CERT1: variants seen among roughly 807,000 people sequenced by gnomAD.
CERT1 encodes ceramide transfer protein.
CERT1 carries 31 observed loss-of-function variants against 87.9 expected under a neutral mutation model. The ratio of observed to expected loss-of-function variants is 0.35; its 90% CI spans 0.27 to 0.48. The LOEUF is 0.48. CERT1 is among the 20% of genes least tolerant of loss of function. The pLI is 0.99. For synonymous variants in CERT1, 289 were observed against 250.9 expected (o/e 1.15, Z -1.44); for missense variants, 487 against 758.0 (o/e 0.64, Z 4.20).
chr5:75,455,425 T>TA (rs369509592), intron 3 of CERT1, among the ~76,000 whole-genome samples: 14 of 152,214 alleles, frequency 9.2e-5, no homozygotes, highest in African/African-American at 3.1e-4. Flanking sequence ...TTCTTATTGG[T>TA]AAAAATGTGT....
chr5:75,388,049 G>A (rs1401962024), intron 12 of CERT1, among the ~76,000 whole-genome samples: 1 of 152,178 alleles, frequency 6.6e-6, no homozygotes, highest in Non-Finnish European at 1.5e-5. Flanking sequence ...AGGCAGGTCT[G>A]GCTCAACCCT....
intron 2 of CERT1, among the ~76,000 whole-genome samples, chr5:75,493,288 T>G (rs1299373833): frequency 6.6e-6 from 1 of 152,220 alleles, no homozygotes; most frequent in East Asian, 1.9e-4. Context: ...CCAAAGGCAT[T>G]ATTCTGAAGC....
At chr5:75,403,101 A>C (rs2112093533) in intron 8 of CERT1, 43 bp from the exon 9 acceptor site, 1 of 1,293,756 alleles carries the variant, frequency 7.7e-7, no homozygotes, top group East Asian at 2.3e-5. Context: ...TTATTTAAAG[A>C]AACAGAAAAC....
intron 2 of CERT1, among the ~76,000 whole-genome samples, chr5:75,497,896 T>G (rs901158448): frequency 6.6e-6 from 1 of 152,100 alleles, no homozygotes; most frequent in Non-Finnish European, 1.5e-5. Context: ...TGGAACAGTT[T>G]GGAGGTTCAG....
chr5:75,471,091 A>G lies in CERT1; in HGVS notation c.232-11910T>C, dbSNP rs189928562. Reference sequence around the variant, plus strand: ...AACATTCAAGAAAGAAATAGAAGACAAAAATAAATGGAATGAGATCCCATG... The same window carrying G: ...AACATTCAAGAAAGAAATAGAAGACGAAAATAAATGGAATGAGATCCCATG... On this transcript the variant is annotated intron_variant, in intron 2 of 16. Coordinates refer to ENST00000643780, the MANE Select transcript of CERT1 (RefSeq NM_001379029.1). 3.3e-4 allele frequency among the ~76,000 whole-genome samples: 51 copies of G among 152,370 alleles called. No individual in the cohort carries two copies. The East Asian group carries it at 9.1e-3, about 27-fold the overall frequency.
chr5:75,417,894 C>T (rs1427494722), intron 6 of CERT1, among the ~76,000 whole-genome samples: 6 of 152,322 alleles, frequency 3.9e-5, no homozygotes, highest in South Asian at 4.1e-4. Flanking sequence ...CGGTGGCTCA[C>T]GCCTGTAATC....
At chr5:75,372,890 A>G (rs1329797516), downstream of CERT1, 1 of 152,256 alleles carries the variant, frequency 6.6e-6, no homozygotes, top group Non-Finnish European at 1.5e-5. Flanking sequence ...CAAAGCATCT[A>G]CAAAATGCCT....
At chr5:75,501,715 G>A (rs1299738539) in intron 2 of CERT1, among the ~76,000 whole-genome samples, 1 of 152,130 alleles carries the variant, frequency 6.6e-6, no homozygotes, top group African/African-American at 2.4e-5. Context: ...AATATATGAT[G>A]AAAGTGGTGT....
In CERT1 at chr5:75,385,738, T is replaced by C. The variant is rs79931904; in HGVS notation, c.1417+164A>G. Among the ~76,000 whole-genome samples the C allele has an allele frequency of 1.1e-3, 164 of 152,356 alleles. 1 individual carries two copies. In the East Asian group the frequency reaches 0.027, roughly 25 times the overall value. ...AAATTACATACTAGGAAGCATTTCA[T>C]ACACTGAAAAGCTCTACATAAATGT... On this transcript the variant is annotated intron_variant, in intron 13 of 16. Coordinates refer to ENST00000643780, the MANE Select transcript of CERT1 (RefSeq NM_001379029.1).
intron 2 of CERT1, among the ~76,000 whole-genome samples, chr5:75,490,808 T>C (rs1766753601): frequency 6.6e-6 from 1 of 152,166 alleles, no homozygotes; most frequent in South Asian, 2.1e-4. Context: ...TAAATTTTCA[T>C]TTGACTCTAT....
At chr5:75,500,833 A>C (rs1209872903) in intron 2 of CERT1, among the ~76,000 whole-genome samples, 1 of 152,176 alleles carries the variant, frequency 6.6e-6, no homozygotes, top group South Asian at 2.1e-4. Context: ...GCTGAAGTTC[A>C]TTTCCATAAT....
At chr5:75,481,963 T>C (rs891307850) in intron 2 of CERT1, among the ~76,000 whole-genome samples, 2 of 152,214 alleles carry the variant, frequency 1.3e-5, no homozygotes, top group African/African-American at 2.4e-5. Context: ...GATCCCAAAA[T>C]ATATTTTTAC....
At chr5:75,391,551 T>C (rs1762028899) in intron 11 of CERT1, among the ~76,000 whole-genome samples, 1 of 152,184 alleles carries the variant, frequency 6.6e-6, no homozygotes, top group African/African-American at 2.4e-5. Flanking sequence ...CCTTGGAAAA[T>C]ATAACTTTTG....
At chr5:75,457,848 C>T (rs574356396) in intron 3 of CERT1, among the ~76,000 whole-genome samples, 33 of 148,870 alleles carry the variant, frequency 2.2e-4, no homozygotes, top group African/African-American at 7.7e-4. Flanking sequence ...CTTTATCAAT[C>T]GTGTTAGCTT....
Position 75,425,657 on chromosome 5 carries a change from G to C in CERT1, c.457-158C>G, listed in dbSNP as rs199848897. Among the ~76,000 whole-genome samples the C allele has an allele frequency of 2.2e-4, 33 of 152,316 alleles. No homozygotes were observed. In the East Asian group the frequency reaches 5.4e-3, roughly 25 times the overall value. On this transcript the variant is annotated intron_variant, in intron 4 of 16. Transcript: ENST00000643780. ...TTCAATATAATACTTCTAGGAATAG[G>C]CTTGAAACTGATGAATCTATTGGCT...
Position 75,382,083 on chromosome 5 carries a change from G to C in CERT1, c.1489-6C>G. The C allele has an allele frequency of 6.2e-7, 1 of 1,609,122 alleles. No homozygotes were observed. The highest frequency in any genetic ancestry group is 8.5e-7 in the Non-Finnish European group (1 of 1,177,838). Reference sequence around the variant, plus strand: ...TGAGAAGCAGGCCACACCCTCTGTGGAGAAGTAAAAATCTTTTGAAAAACA... The same window carrying C: ...TGAGAAGCAGGCCACACCCTCTGTGCAGAAGTAAAAATCTTTTGAAAAACA... On this transcript the variant is annotated splice_region_variant and splice_polypyrimidine_tract_variant and intron_variant, in intron 14 of 16. Transcript: ENST00000643780.
intron 3 of CERT1, among the ~76,000 whole-genome samples, chr5:75,445,440 C>T (rs989328065): frequency 7.9e-5 from 12 of 152,084 alleles, no homozygotes; most frequent in Admixed American, 4.6e-4. Context: ...TTTATTTGGG[C>T]GTGTTTAAAT....
intron 2 of CERT1, among the ~76,000 whole-genome samples, chr5:75,474,603 G>C (rs924495201): frequency 6.6e-6 from 1 of 151,856 alleles, no homozygotes; most frequent in African/African-American, 2.4e-5. Context: ...GTGGATGATA[G>C]TCTCATGTAG....
intron 17 of CERT1, chr5:75,372,358 G>A (rs1417563256): frequency 2.8e-5 from 4 of 142,074 alleles, no homozygotes; most frequent in African/African-American, 1.1e-4. Flanking sequence ...CCCCACAGCT[G>A]ATTGTAAAAT....
Sources: allele counts gnomAD v4.1 joint callset (sites outside exome capture counted in the v4.1 genomes callset), GRCh38; gene constraint gnomAD v4.1.1; transcripts MANE v1.5; gene names NCBI Gene and HGNC (gene_info 2026-07-23, HGNC 2026-07-21).